CFAP54: variants seen among roughly 807,000 people sequenced by gnomAD.
The protein encoded by CFAP54 is cilia and flagella associated protein 54, also known as cilia- and flagella-associated protein 54.
In CFAP54, 290 loss-of-function variants were observed where a neutral mutation model predicts 370.4. The ratio of observed to expected loss-of-function variants is 0.78; its 90% CI spans 0.71 to 0.86. CFAP54 has a LOEUF of 0.86. Ranked by LOEUF, CFAP54 falls within the 40% of genes least tolerant of loss-of-function variation. CFAP54 has a pLI of 0.00. For missense variants in CFAP54, 3,399 were observed against 3,528.7 expected (o/e 0.96, Z 0.93); for synonymous variants, 1,206 against 1,236.5 (o/e 0.98, Z 0.52).
At chr12:96,821,055 T>A (rs907922844) in intron 65 of CFAP54, among the ~76,000 whole-genome samples, 5 of 152,172 alleles carry the variant, frequency 3.3e-5, no homozygotes, top group Admixed American at 6.5e-5. Context: ...CCTCTGCCAC[T>A]CAGCTTTACT....
At chr12:96,727,631 A>G (rs1411810168) in intron 50 of CFAP54, among the ~76,000 whole-genome samples, 2 of 151,754 alleles carry the variant, frequency 1.3e-5, no homozygotes, top group East Asian at 1.9e-4. Context: ...TTTTTATCCA[A>G]TTTGCCAGTC....
chr12:96,860,962 T>C lies in CFAP54; in HGVS notation c.*14+10T>C, dbSNP rs1309341364. 6.0e-6 allele frequency: 9 copies of C among 1,495,892 alleles called. No homozygotes were observed. In the East Asian group the frequency reaches 1.5e-4, roughly 25 times the overall value. 92.7% of individuals were successfully genotyped at this position (1,495,892 alleles called of 1,614,324 possible). A position where few individuals can be genotyped will look rare whatever the true frequency, so the allele number is the denominator to read the frequency against. ...GAATATCCTATACACGGTAACCTTATACAGGATTTAATTGTTGTTGTTTCT... is the reference window on the plus strand; with the variant it reads ...GAATATCCTATACACGGTAACCTTACACAGGATTTAATTGTTGTTGTTTCT... On this transcript the variant is annotated intron_variant, in intron 67 of 67. Transcript: ENST00000524981.
chr12:96,500,950 C>T lies in CFAP54; in HGVS notation c.423+11C>T, dbSNP rs149619518. 1 of 1,500,720 alleles carries T rather than the reference C, an allele frequency of 6.7e-7. No individual in the cohort carries two copies. Among genetic ancestry groups the T allele is most frequent in the Non-Finnish European group, 9.0e-7 (1 of 1,117,318 alleles). 93.0% of individuals were successfully genotyped at this position (1,500,720 alleles called of 1,614,324 possible). On this transcript the variant is annotated intron_variant, in intron 2 of 67. Coordinates refer to ENST00000524981, the MANE Select transcript of CFAP54 (RefSeq NM_001306084.2). ...CTTTGTCAAATGAAAGTAAGTGCCT[C>T]TGCAGGAAAGAGCCAAAAAGAAGTT...
chr12:96,710,401 ATTTGAATAATTTTAG>A (rs1957597571), intron 48 of CFAP54, among the ~76,000 whole-genome samples: 1 of 152,130 alleles, frequency 6.6e-6, no homozygotes, highest in Non-Finnish European at 1.5e-5. Context: ...CAGGCTTAGT[ATTTGAATAATTTTAG>A]TTTGAATAAT....
Position 96,811,716 on chromosome 12 carries a change from C to T in CFAP54, c.8851-20C>T. ...CTAATTTTGATGTCACATTTTATAC[C>T]CCTTTTATTTTTCTTATAGGTTTTA... On this transcript the variant is annotated intron_variant, in intron 63 of 67. Coordinates refer to ENST00000524981, the MANE Select transcript of CFAP54 (RefSeq NM_001306084.2). The T allele has an allele frequency of 7.9e-7, 1 of 1,263,770 alleles. No individual in the cohort carries two copies. Among genetic ancestry groups the T allele is most frequent in the Non-Finnish European group, 1.1e-6 (1 of 935,326 alleles). 78.3% of individuals were successfully genotyped at this position (1,263,770 alleles called of 1,614,324 possible). A position where few individuals can be genotyped will look rare whatever the true frequency, so the allele number is the denominator to read the frequency against.
chr12:96,770,188 A>ATG (rs57662567), intron 60 of CFAP54, among the ~76,000 whole-genome samples: 5,761 of 150,838 alleles, frequency 0.038, 186 homozygotes, highest in African/African-American at 0.081. Flanking sequence ...TGAAGGTGGG[A>ATG]TGTGTGTGTG....
At position 96,509,885 on chromosome 12, in the gene CFAP54, A is replaced by G. The variant is rs146720286; in HGVS notation, c.739+2786A>G. 1.5e-3 allele frequency among the ~76,000 whole-genome samples: 221 copies of G among 152,154 alleles called. 2 individuals carry two copies. The highest frequency in any genetic ancestry group is 0.01 in the Middle Eastern group (3 of 294). On this transcript the variant is annotated intron_variant, in intron 4 of 67. Transcript: ENST00000524981. ...CTTACTTTTCAACTAAAGTGAACCC[A>G]ACTAATTTAGACCCTCAACTAGATT...
chr12:96,618,326 G>A (rs957625426), intron 26 of CFAP54, among the ~76,000 whole-genome samples: 1 of 152,166 alleles, frequency 6.6e-6, no homozygotes, highest in Non-Finnish European at 1.5e-5. Context: ...ACCAGGAAAG[G>A]GAAAGGATGA....
In CFAP54 at chr12:96,831,706, G is replaced by A. The variant is rs116939584; in HGVS notation, c.9171+2618G>A. 9.5e-3 allele frequency among the ~76,000 whole-genome samples: 1,451 copies of A among 152,278 alleles called. 55 individuals are homozygous for A. In the East Asian group the frequency reaches 0.1, roughly 10 times the overall value. On this transcript the variant is annotated intron_variant, in intron 66 of 67. Transcript: ENST00000524981. Reference sequence around the variant, plus strand: ...CCCATTAGCTCATTAGCTTCCTGGGGTCAGAGGTGATGCTATCTTCATCTG... The same window carrying A: ...CCCATTAGCTCATTAGCTTCCTGGGATCAGAGGTGATGCTATCTTCATCTG...
At chr12:96,508,004 A>G (rs1955125745) in intron 4 of CFAP54, among the ~76,000 whole-genome samples, 1 of 152,134 alleles carries the variant, frequency 6.6e-6, no homozygotes, top group African/African-American at 2.4e-5. Context: ...AGGGACGGAG[A>G]AGGAGCAGCA....
At chr12:96,507,703 C>G (rs1270956928) in intron 4 of CFAP54, among the ~76,000 whole-genome samples, 3 of 152,138 alleles carry the variant, frequency 2.0e-5, no homozygotes, top group African/African-American at 7.2e-5. Context: ...AAAATATTGA[C>G]AGTGTGTTCG....
chr12:96,642,018 T>C (rs536928345), intron 32 of CFAP54, among the ~76,000 whole-genome samples: 17 of 151,924 alleles, frequency 1.1e-4, no homozygotes, highest in African/African-American at 3.6e-4. Context: ...ACATGGCACA[T>C]GTATACATAT....
intron 17 of CFAP54, among the ~76,000 whole-genome samples, chr12:96,559,093 G>A (rs1955788063): frequency 6.6e-6 from 1 of 152,126 alleles, no homozygotes; most frequent in Non-Finnish European, 1.5e-5. Flanking sequence ...GTGCATGCCT[G>A]TAATCCCAGC....
At chr12:96,588,039 G>A (rs79497908) in intron 22 of CFAP54, among the ~76,000 whole-genome samples, 5 of 152,248 alleles carry the variant, frequency 3.3e-5, no homozygotes, top group Non-Finnish European at 7.4e-5. Context: ...CACATAAAGT[G>A]CTTAGTCCAG....
intron 67 of CFAP54, among the ~76,000 whole-genome samples, chr12:96,864,417 A>G (rs7137815): frequency 2.7e-3 from 410 of 152,300 alleles, no homozygotes; most frequent in African/African-American, 9.5e-3. Context: ...CCAGCTATTC[A>G]GAGGCTTAAA....
chr12:96,701,439 G>A lies in CFAP54; in HGVS notation c.6474+1346G>A, dbSNP rs140343622. On this transcript the variant is annotated intron_variant, in intron 46 of 67. Transcript: ENST00000524981. ...AGATAGAGCAGTAGAAAGACAGCAGGGGGGCTCCTGCTTTCCTGGAGCTTA... is the reference window on the plus strand; with the variant it reads ...AGATAGAGCAGTAGAAAGACAGCAGAGGGGCTCCTGCTTTCCTGGAGCTTA... Among the ~76,000 whole-genome samples, 728 of 152,134 alleles carry A rather than the reference G, an allele frequency of 4.8e-3. 4 individuals are homozygous for A. Among genetic ancestry groups the A allele is most frequent in the African/African-American group, 0.017 (691 of 41,496 alleles).
At chr12:96,715,872 T>A (rs1287176129) in intron 48 of CFAP54, among the ~76,000 whole-genome samples, 1 of 152,210 alleles carries the variant, frequency 6.6e-6, no homozygotes, top group Non-Finnish European at 1.5e-5. Flanking sequence ...GCCCTTTTTA[T>A]GTTCCCTTCC....
At chr12:96,515,372 A>G (rs951775736) in intron 5 of CFAP54, among the ~76,000 whole-genome samples, 1 of 151,500 alleles carries the variant, frequency 6.6e-6, no homozygotes, top group Non-Finnish European at 1.5e-5. Context: ...GAGGGATGCA[A>G]TAATTTTGGG....
Position 96,739,918 on chromosome 12 carries a change from T to C in CFAP54, c.6966-38T>C, listed in dbSNP as rs773288447. 2.8e-5 allele frequency: 34 copies of C among 1,210,864 alleles called. No homozygotes were observed. The Admixed American group carries it at 4.9e-4, about 17-fold the overall frequency. The allele number at this position is 1,210,864 out of a possible 1,614,324, so 75.0% of individuals were successfully genotyped here. Reference sequence around the variant, plus strand: ...AAATAACATACAGATGCCACAAATATAATACTGATAACATTTAAAATATAT... The same window carrying C: ...AAATAACATACAGATGCCACAAATACAATACTGATAACATTTAAAATATAT... On this transcript the variant is annotated intron_variant, in intron 50 of 67. Coordinates refer to ENST00000524981, the MANE Select transcript of CFAP54 (RefSeq NM_001306084.2).
Sources: allele counts gnomAD v4.1 joint callset (sites outside exome capture counted in the v4.1 genomes callset), GRCh38; gene constraint gnomAD v4.1.1; transcripts MANE v1.5; gene names NCBI Gene and HGNC (gene_info 2026-07-23, HGNC 2026-07-21).